Variants in PANK1 observed in about 807,000 individuals in gnomAD.
PANK1 encodes the protein pantothenate kinase 1.
PANK1 carries 18 observed loss-of-function variants against 40.1 expected under a neutral mutation model. The ratio of observed to expected loss-of-function variants is 0.45; its 90% CI spans 0.31 to 0.67. PANK1 has a LOEUF of 0.67. Among genes scored for constraint, PANK1 ranks in the 30% least tolerant of loss-of-function variants. PANK1 has a pLI of 0.06. For synonymous variants in PANK1, 242 were observed against 237.7 expected, an observed-to-expected ratio of 1.02 and a Z score of -0.17; for missense variants, 457 against 599.6, an observed-to-expected ratio of 0.76 and a Z score of 2.48.
chr10:89,631,994 G>C (rs1011892925), intron 1 of PANK1, among the ~76,000 whole-genome samples: 1 of 130,760 alleles, frequency 7.6e-6, no homozygotes, highest in African/African-American at 2.7e-5. Flanking sequence ...TTTTAAAAAG[G>C]GTTCTTTTCT....
intron 1 of PANK1, among the ~76,000 whole-genome samples, chr10:89,616,409 T>C (rs1439498390): frequency 6.6e-6 from 1 of 152,198 alleles, no homozygotes; most frequent in South Asian, 2.1e-4. Context: ...AAATAAAATA[T>C]GACAGATTTA....
intron 1 of PANK1, among the ~76,000 whole-genome samples, chr10:89,630,141 G>A (rs1841590696): frequency 6.6e-6 from 1 of 152,208 alleles, no homozygotes; most frequent in Non-Finnish European, 1.5e-5. Flanking sequence ...CACGTGTGCT[G>A]AAGTGGTATA....
intron 1 of PANK1, among the ~76,000 whole-genome samples, chr10:89,631,116 A>C (rs1194048036): frequency 6.6e-6 from 1 of 152,248 alleles, no homozygotes; most frequent in Non-Finnish European, 1.5e-5. Context: ...ATTACAACCC[A>C]GTATAAAAGT....
intron 1 of PANK1, among the ~76,000 whole-genome samples, chr10:89,639,603 G>A (rs1333605423): frequency 6.6e-6 from 1 of 152,186 alleles, no homozygotes; most frequent in Admixed American, 6.5e-5. Context: ...TTGCTAGTAA[G>A]TAGGAAATGC....
rs1338547244 is a variant in PANK1, at chr10:89,611,776, C to T, written c.565G>A (p.Glu189Lys). Residue 189 changes from glutamate (E) to lysine (K), a missense_variant, in exon 2 of 7, where the codon GAG becomes AAG. Transcript: ENST00000307534. ...GTGTGAAGGCTAGAGAAGTTCTTCTCGCTGCCCATCTGAATGAACCTGTGC... is the reference window on the plus strand; with the variant it reads ...GTGTGAAGGCTAGAGAAGTTCTTCTTGCTGCCCATCTGAATGAACCTGTGC... ...AMHRFIQMGSEKNFSSLHTTL... is the reference protein window; with the variant it reads ...AMHRFIQMGSKKNFSSLHTTL... The T allele has an allele frequency of 6.8e-6, 11 of 1,614,220 alleles. No homozygotes were observed. Among genetic ancestry groups the T allele is most frequent in the Middle Eastern group, 1.6e-4 (1 of 6,062 alleles).
chr10:89,611,669 G>T, intron 2 of PANK1, 27 bp downstream of exon 2: 1 of 1,520,828 alleles, frequency 6.6e-7, no homozygotes, highest in Non-Finnish European at 9.0e-7. Flanking sequence ...AGGTTTTGAT[G>T]TTTTAACAAA....
In PANK1 at chr10:89,593,880, G is replaced by C; in HGVS notation, c.1009C>G (p.Leu337Val). The part of the protein sequence containing the change: ...AKGDSTNVDK[L>V]VKDIYGGDYE... ...TCTCCTCCGTAAATGTCCTTCACCA[G>C]TTTATCAACATTGGTGCTGTCGCCT... The change falls in exon 4 of 7, where the codon CTG (leucine) becomes GTG (valine). Residue 337 changes from leucine (L) to valine (V), a missense_variant. Physicochemically the swap from Leu to Val is conservative, Grantham distance 32 (BLOSUM62 1). This residue lies in a region of PANK1 where 286 missense variants were observed against 415.8 expected (regional missense o/e 0.69). Coordinates refer to ENST00000307534, the MANE Select transcript of PANK1 (RefSeq NM_148977.3). 1 of 1,613,596 alleles carries C rather than the reference G, an allele frequency of 6.2e-7. No homozygotes were observed. The highest frequency in any genetic ancestry group is 8.5e-7 in the Non-Finnish European group (1 of 1,179,500).
intron 2 of PANK1, among the ~76,000 whole-genome samples, chr10:89,608,030 C>A (rs10785891): frequency 0.41 from 45,188 of 110,720 alleles, 7,279 homozygotes; most frequent in Non-Finnish European, 0.48. Flanking sequence ...TGATCCTAAA[C>A]TTTTTTTTTT....
intron 1 of PANK1, among the ~76,000 whole-genome samples, chr10:89,615,648 C>T (rs113942707): frequency 2.0e-5 from 3 of 152,272 alleles, no homozygotes; most frequent in Non-Finnish European, 2.9e-5. Flanking sequence ...AGTGATCCAC[C>T]CACCTCAGCT....
chr10:89,638,944 T>C (rs1052264565), intron 1 of PANK1, among the ~76,000 whole-genome samples: 3 of 152,244 alleles, frequency 2.0e-5, no homozygotes, highest in African/African-American at 7.2e-5. Flanking sequence ...CATAGCAACA[T>C]AGGCTTTTCA....
At chr10:89,600,615 A>G (rs1032363579) in intron 2 of PANK1, among the ~76,000 whole-genome samples, 1 of 152,190 alleles carries the variant, frequency 6.6e-6, no homozygotes. Flanking sequence ...CAAGTGCCCT[A>G]TTATGTTCCT....
intron 1 of PANK1, among the ~76,000 whole-genome samples, chr10:89,614,746 G>T (rs1007333447): frequency 1.3e-5 from 2 of 151,972 alleles, no homozygotes; most frequent in Non-Finnish European, 2.9e-5. Context: ...GCAGCGAGCC[G>T]AGATTGCACC....
At chr10:89,589,298 C>G in intron 5 of PANK1, among the ~76,000 whole-genome samples, 1 of 152,232 alleles carries the variant, frequency 6.6e-6, no homozygotes, top group Non-Finnish European at 1.5e-5. Flanking sequence ...GGTGGAATAT[C>G]CTGTTTGGCC....
chr10:89,615,076 G>A (rs10881610), intron 1 of PANK1, among the ~76,000 whole-genome samples: 23,067 of 152,108 alleles, frequency 0.15, 2,204 homozygotes, highest in East Asian at 0.45. Context: ...TGAGCAGGTT[G>A]TATAGTTGGT....
In PANK1 at chr10:89,628,168, G is replaced by C. The variant is rs368963361; in HGVS notation, c.293-16120C>G. Among the ~76,000 whole-genome samples the C allele has an allele frequency of 1.5e-3, 232 of 152,286 alleles. 2 individuals carry two copies. Among genetic ancestry groups the C allele is most frequent in the African/African-American group, 5.2e-3 (216 of 41,560 alleles). ...GTTACTATATGATCTAGCAATTCTA[G>C]TACTAGGTGTATATACCCAAGAGAA... On this transcript the variant is annotated intron_variant, in intron 1 of 6. Transcript: ENST00000307534.
chr10:89,590,355 CA>C (rs1844343043), intron 5 of PANK1, among the ~76,000 whole-genome samples: 1 of 151,548 alleles, frequency 6.6e-6, no homozygotes, highest in African/African-American at 2.4e-5. Flanking sequence ...TAGTTAATCC[CA>C]AAATAAGGTA....
intron 1 of PANK1, among the ~76,000 whole-genome samples, chr10:89,625,063 G>T (rs1845617078): frequency 6.6e-6 from 1 of 152,074 alleles, no homozygotes; most frequent in Admixed American, 6.6e-5. Context: ...ACCACTTCTG[G>T]CTAATTTTTA....
intron 1 of PANK1, among the ~76,000 whole-genome samples, chr10:89,616,682 G>A (rs1374686252): frequency 6.6e-6 from 1 of 152,100 alleles, no homozygotes; most frequent in Non-Finnish European, 1.5e-5. Flanking sequence ...CAGCACTTTG[G>A]GAGGCCCAGG....
intron 1 of PANK1, among the ~76,000 whole-genome samples, chr10:89,613,693 G>A (rs892346514): frequency 6.6e-6 from 1 of 152,234 alleles, no homozygotes; most frequent in Non-Finnish European, 1.5e-5. Context: ...TCTGCAACCA[G>A]TGTAGGTTGG....
Sources: gnomAD v4.1 joint callset for allele counts (sites outside exome capture counted in the v4.1 genomes callset) on GRCh38, gnomAD v4.1.1 for gene constraint, gnomAD v4.1.1 regional missense constraint, MANE v1.5 for transcripts, NCBI Gene and HGNC (gene_info 2026-07-23, HGNC 2026-07-21) for gene names.